The following PGLYRP1 variants were observed in gnomAD, a reference collection of about 807,000 sequenced individuals.
PGLYRP1 encodes TNF superfamily, member 3 (LTB)-like (peptidoglycan recognition protein).
In PGLYRP1, 18 loss-of-function variants were observed where a neutral mutation model predicts 16.3. The observed-to-expected ratio is 1.11, with a 90% CI of 0.77 to 1.64. PGLYRP1 has a LOEUF of 1.64. PGLYRP1 is among the 40% of genes most tolerant of loss of function. The probability of loss-of-function intolerance (pLI) is 0.00; values close to 1 mark genes in which losing one functional copy is unlikely to be tolerated. For missense variants in PGLYRP1, 261 were observed against 268.6 expected (o/e 0.97, Z 0.20); for synonymous variants, 89 against 105.7 (o/e 0.84, Z 0.97).
Position 46,019,721 on chromosome 19 carries a change from T to G in PGLYRP1, c.288-74A>C. ...GGAGGACTCCTCCTCCTTCCTCCACTCACCCTGCCTCCGTTACTGCCGTGG... is the reference window on the plus strand; with the variant it reads ...GGAGGACTCCTCCTCCTTCCTCCACGCACCCTGCCTCCGTTACTGCCGTGG... On this transcript the variant is annotated intron_variant, in intron 1 of 2. Transcript: ENST00000008938. This position sits in a 1 kb window ranked among gnomAD's most constrained non-coding sequence, Gnocchi z 4.8. The G allele has an allele frequency of 2.0e-6, 3 of 1,488,646 alleles. No individual in the cohort carries two copies. The highest frequency in any genetic ancestry group is 2.7e-6 in the Non-Finnish European group (3 of 1,103,370). The allele number at this position is 1,488,646 out of a possible 1,614,324, so 92.2% of individuals were successfully genotyped here. A position where few individuals can be genotyped will look rare whatever the true frequency, so the allele number is the denominator to read the frequency against.
chr19:46,021,823 T>C (rs1472976583), intron 1 of PGLYRP1, among the ~76,000 whole-genome samples: 1 of 152,176 alleles, frequency 6.6e-6, no homozygotes, highest in Non-Finnish European at 1.5e-5. Flanking sequence ...CGCCCGGCTG[T>C]GTTCAGCCAC....
chr19:46,020,822 C>T (rs1005826666), intron 1 of PGLYRP1, among the ~76,000 whole-genome samples: 9 of 152,210 alleles, frequency 5.9e-5, no homozygotes, highest in African/African-American at 1.9e-4. Flanking sequence ...TCTTGAGTCC[C>T]GAATCTGCTG....
Position 46,019,512 on chromosome 19 carries a change from G to T in PGLYRP1, c.409+14C>A. On this transcript the variant is annotated intron_variant, in intron 2 of 2. Transcript: ENST00000008938. The surrounding 1 kb of genome is among the most constrained non-coding windows in gnomAD (Gnocchi z 4.8). ...GTGTCAGCCCCCATCCCAACTGGCT[G>T]GACAGTCACTCACCCATGTAGTTGC... The T allele has an allele frequency of 6.2e-7, 1 of 1,613,730 alleles. No homozygotes were observed.
In PGLYRP1 at chr19:46,022,785, A is replaced by G; in HGVS notation, c.237T>C (p.Asn79=). 3.1e-6 allele frequency: 5 copies of G among 1,614,200 alleles called. No homozygotes were observed. In the East Asian group the frequency reaches 6.7e-5, roughly 22 times the overall value. ...GTGTCTTCATGTGGTAGTGCTGCAC[A>G]TTCCGGGCCTGCTGCTGGCACGAGG... is the stretch of plus-strand genomic sequence containing the variant. ...TPASCQQQAR[N]VQHYHMKTLG... Residue 79 remains asparagine (N), a synonymous_variant, in exon 1 of 3, where the codon AAT becomes AAC. Transcript: ENST00000008938.
chr19:46,023,050 C>A lies in PGLYRP1; in HGVS notation c.-29G>T. 6.8e-7 allele frequency: 1 copy of A among 1,481,144 alleles called. No individual in the cohort carries two copies. The highest frequency in any genetic ancestry group is 1.4e-5 in the South Asian group (1 of 72,044). The allele number at this position is 1,481,144 out of a possible 1,614,324, so 91.8% of individuals were successfully genotyped here. A position where few individuals can be genotyped will look rare whatever the true frequency, so the allele number is the denominator to read the frequency against. ...GGCAGGGCGGCAGGGTCCGGGAGAC[C>A]GCTAGGAGCGCCCGGTGGAGGGGCC... On this transcript the variant is annotated 5_prime_UTR_variant, in exon 1 of 3. Transcript: ENST00000008938.
At chr19:46,022,095 C>T (rs1268375968) in intron 1 of PGLYRP1, among the ~76,000 whole-genome samples, 1 of 152,252 alleles carries the variant, frequency 6.6e-6, no homozygotes, top group Non-Finnish European at 1.5e-5. Context: ...TTTCTCCCTG[C>T]TGGTCTTTCA....
chr19:46,019,487 G>A lies in PGLYRP1; in HGVS notation c.409+39C>T, dbSNP rs768535515. 14 of 1,612,912 alleles carry A rather than the reference G, an allele frequency of 8.7e-6. No homozygotes were observed. Among genetic ancestry groups the A allele is most frequent in the South Asian group, 7.7e-5 (7 of 91,036 alleles). On this transcript the variant is annotated intron_variant, in intron 2 of 2. Transcript: ENST00000008938. This position sits in a 1 kb window ranked among gnomAD's most constrained non-coding sequence, Gnocchi z 4.8. ...AGGGGAAGTGATAGCGTAGGGCCCC[G>A]TGTCAGCCCCCATCCCAACTGGCTG...
chr19:46,019,617 G>T lies in PGLYRP1; in HGVS notation c.318C>A (p.Tyr106Ter). ...NFLIGEDGLV[Y>*]EGRGWNFTGA... ...CCGTGAAGTTCCAGCCACGGCCCTC[G>T]TATACGAGCCCGTCTTCTCCAATCA... is the stretch of plus-strand genomic sequence containing the variant. The change falls in exon 2 of 3, where the codon TAC becomes TAA. Residue 106 changes from tyrosine to a stop codon, truncating the protein, a stop_gained. Coordinates refer to ENST00000008938, the MANE Select transcript of PGLYRP1 (RefSeq NM_005091.3). LOFTEE classifies it high-confidence loss of function. The surrounding 1 kb of genome is among the most constrained non-coding windows in gnomAD (Gnocchi z 4.8). The T allele has an allele frequency of 1.9e-6, 3 of 1,613,836 alleles. No homozygotes were observed. The highest frequency in any genetic ancestry group is 2.5e-6 in the Non-Finnish European group (3 of 1,179,938).
intron 1 of PGLYRP1, among the ~76,000 whole-genome samples, chr19:46,022,164 C>T (rs1434357787): frequency 6.6e-6 from 1 of 152,254 alleles, no homozygotes; most frequent in Non-Finnish European, 1.5e-5. Context: ...CTGCCTGGCA[C>T]ATAGTAGGTG....
chr19:46,022,536 G>C (rs1000590038), intron 1 of PGLYRP1, among the ~76,000 whole-genome samples, 199 bp downstream of exon 1: 2 of 152,264 alleles, frequency 1.3e-5, no homozygotes, highest in African/African-American at 4.8e-5. Flanking sequence ...CCCTTCTCAC[G>C]CATCTTTGTG....
In PGLYRP1 at chr19:46,019,196, TG is replaced by T. The variant is rs1165841789; in HGVS notation, c.*41del. 6.3e-7 allele frequency: 1 copy of T among 1,578,708 alleles called. No individual in the cohort carries two copies. Among genetic ancestry groups the T allele is most frequent in the African/African-American group, 1.3e-5 (1 of 74,250 alleles). On this transcript the variant is annotated 3_prime_UTR_variant, in exon 3 of 3. Coordinates refer to ENST00000008938, the MANE Select transcript of PGLYRP1 (RefSeq NM_005091.3). This position sits in a 1 kb window ranked among gnomAD's most constrained non-coding sequence, Gnocchi z 4.8. Reference sequence around the variant, plus strand: ...TTGGAGAAGGAGACAGTGGGGTTTTTGGCCATGGGAGGGGAGGAATGGGGTG... The same window carrying T: ...TTGGAGAAGGAGACAGTGGGGTTTTTGCCATGGGAGGGGAGGAATGGGGTG...
rs1568700774 is a variant in PGLYRP1, at chr19:46,019,472, A to G, written c.410-53T>C. On this transcript the variant is annotated intron_variant, in intron 2 of 2. Coordinates refer to ENST00000008938, the MANE Select transcript of PGLYRP1 (RefSeq NM_005091.3). The surrounding 1 kb of genome is among the most constrained non-coding windows in gnomAD (Gnocchi z 4.8). ...CAGGGGCTTCCCCGAAGGGGAAGTGATAGCGTAGGGCCCCGTGTCAGCCCC... is the reference window on the plus strand; with the variant it reads ...CAGGGGCTTCCCCGAAGGGGAAGTGGTAGCGTAGGGCCCCGTGTCAGCCCC... The G allele has an allele frequency of 6.2e-7, 1 of 1,612,278 alleles. No homozygotes were observed. The highest frequency in any genetic ancestry group is 1.1e-5 in the South Asian group (1 of 91,032).
Position 46,019,660 on chromosome 19 carries a change from G to T in PGLYRP1, c.288-13C>A, listed in dbSNP as rs377160294. 1.2e-6 allele frequency: 2 copies of T among 1,611,064 alleles called. No homozygotes were observed. Among genetic ancestry groups the T allele is most frequent in the African/African-American group, 2.7e-5 (2 of 75,004 alleles). On this transcript the variant is annotated splice_polypyrimidine_tract_variant and intron_variant, in intron 1 of 2. Coordinates refer to ENST00000008938, the MANE Select transcript of PGLYRP1 (RefSeq NM_005091.3). This position sits in a 1 kb window ranked among gnomAD's most constrained non-coding sequence, Gnocchi z 4.8. ...TCCAATCAGGAAGCTGCATGGGGAGGTGGGGGGGCTTGATGAGTGAGGGAG... is the reference window on the plus strand; with the variant it reads ...TCCAATCAGGAAGCTGCATGGGGAGTTGGGGGGGCTTGATGAGTGAGGGAG...
Position 46,019,375 on chromosome 19 carries a change from G to GT in PGLYRP1, c.453dup (p.Leu152ThrfsTer50), listed in dbSNP as rs1300837084. On this transcript the variant is annotated frameshift_variant, in exon 3 of 3. Coordinates refer to ENST00000008938, the MANE Select transcript of PGLYRP1 (RefSeq NM_005091.3). LOFTEE classifies it low-confidence loss of function (END_TRUNC). The surrounding 1 kb of genome is among the most constrained non-coding windows in gnomAD (Gnocchi z 4.8). ...GCTCCCTGAGCCACACCGCAGGCCA[G>GT]TAGACCCTGGGCTGCCCGGATGGCC... 3 of 1,613,788 alleles carry GT rather than the reference G, an allele frequency of 1.9e-6. No homozygotes were observed. Among genetic ancestry groups the GT allele is most frequent in the Non-Finnish European group, 1.7e-6 (2 of 1,179,952 alleles).
Position 46,022,928 on chromosome 19 carries a change from G to A in PGLYRP1, c.94C>T (p.Pro32Ser). 4 of 1,610,474 alleles carry A rather than the reference G, an allele frequency of 2.5e-6. No individual in the cohort carries two copies. Among genetic ancestry groups the A allele is most frequent in the Non-Finnish European group, 3.4e-6 (4 of 1,178,416 alleles). Reference protein sequence around the residue: ...QETEDPACCSPIVPRNEWKAL... With the variant: ...QETEDPACCSSIVPRNEWKAL... ...TTCCACTCGTTCCGGGGCACTATGG[G>A]GCTGCAGCAGGCCGGGTCTTCTGTC... Residue 32 changes from proline to serine, a missense_variant, in exon 1 of 3, where the codon CCC becomes TCC. Coordinates refer to ENST00000008938, the MANE Select transcript of PGLYRP1 (RefSeq NM_005091.3).
chr19:46,020,080 G>A (rs937811766), intron 1 of PGLYRP1, among the ~76,000 whole-genome samples: 3 of 150,202 alleles, frequency 2.0e-5, no homozygotes, highest in African/African-American at 7.4e-5. Flanking sequence ...CTGAATCCTT[G>A]CAGGACAGCC....
In PGLYRP1 at chr19:46,019,817, TA is replaced by T. The variant is rs2146496139; in HGVS notation, c.288-171del. 6.6e-6 allele frequency among the ~76,000 whole-genome samples: 1 copy of T among 152,316 alleles called. No homozygotes were observed. The highest frequency in any genetic ancestry group is 1.9e-4 in the East Asian group (1 of 5,176). ...GATAGTAACAATGACTGTGGTCATT[TA>T]TTGGGCCCCTGCCATGTGCCAAGCA... On this transcript the variant is annotated intron_variant, in intron 1 of 2. Transcript: ENST00000008938. The surrounding 1 kb of genome is among the most constrained non-coding windows in gnomAD (Gnocchi z 4.8).
At chr19:46,020,329 G>A (rs1038963122) in intron 1 of PGLYRP1, among the ~76,000 whole-genome samples, 8 of 151,966 alleles carry the variant, frequency 5.3e-5, no homozygotes, top group Non-Finnish European at 1.2e-4. Flanking sequence ...GGCTGGTCTC[G>A]AACTCCCGAC....
At position 46,019,497 on chromosome 19, in the gene PGLYRP1, C is replaced by T; in HGVS notation, c.409+29G>A. 2 of 1,613,272 alleles carry T rather than the reference C, an allele frequency of 1.2e-6. No homozygotes were observed. The highest frequency in any genetic ancestry group is 1.1e-5 in the South Asian group (1 of 91,054). ...ATAGCGTAGGGCCCCGTGTCAGCCC[C>T]CATCCCAACTGGCTGGACAGTCACT... On this transcript the variant is annotated intron_variant, in intron 2 of 2. Coordinates refer to ENST00000008938, the MANE Select transcript of PGLYRP1 (RefSeq NM_005091.3). The surrounding 1 kb of genome is among the most constrained non-coding windows in gnomAD (Gnocchi z 4.8).
Sources: allele counts gnomAD v4.1 joint callset (sites outside exome capture counted in the v4.1 genomes callset), GRCh38; gene constraint gnomAD v4.1.1; non-coding constraint Gnocchi (gnomAD v3.1); transcripts MANE v1.5; gene names NCBI Gene and HGNC (gene_info 2026-07-23, HGNC 2026-07-21).